ATP2A3: variants seen among roughly 807,000 people sequenced by gnomAD.
ATP2A3 encodes the protein ATPase sarcoplasmic/endoplasmic reticulum Ca2+ transporting 3.
A neutral mutation model predicts 106.8 loss-of-function variants in ATP2A3; 61 were observed. The observed-to-expected ratio is 0.57, with a 90% CI of 0.46 to 0.71. ATP2A3 has a LOEUF of 0.71. Ranked by LOEUF, ATP2A3 falls within the 30% of genes least tolerant of loss-of-function variation. ATP2A3 has a pLI of 0.00. For synonymous variants in ATP2A3, 611 were observed against 609.3 expected, an observed-to-expected ratio of 1.00 and a Z score of -0.04; for missense variants, 1,201 against 1,423.5, an observed-to-expected ratio of 0.84 and a Z score of 2.52.
At chr17:3,952,768 T>A (rs538207781) in intron 3 of ATP2A3, among the ~76,000 whole-genome samples, 3 of 152,152 alleles carry the variant, frequency 2.0e-5, no homozygotes, top group Non-Finnish European at 4.4e-5. Context: ...GTTTTTGTAT[T>A]TTTTGTAGAG....
intron 14 of ATP2A3, 62 bp from the exon 15 acceptor site, chr17:3,937,698 C>G (rs2053529886): frequency 1.3e-6 from 2 of 1,522,548 alleles, no homozygotes; most frequent in African/African-American, 2.7e-5. Flanking sequence ...CCCATCTCTT[C>G]TCAACTCAGC....
intron 1 of ATP2A3, among the ~76,000 whole-genome samples, chr17:3,961,631 C>T (rs976582575): frequency 6.6e-6 from 1 of 152,170 alleles, no homozygotes; most frequent in Non-Finnish European, 1.5e-5. Context: ...AACGACCTTG[C>T]AGGTGCACAG....
chr17:3,924,758 C>G lies in ATP2A3; in HGVS notation c.*664G>C, dbSNP rs894774450. The G allele has an allele frequency of 1.3e-5, 6 of 456,660 alleles. No homozygotes were observed. Among genetic ancestry groups the G allele is most frequent in the Admixed American group, 1.2e-4 (5 of 42,574 alleles). 28.3% of individuals were successfully genotyped at this position (456,660 alleles called of 1,614,324 possible). ...GGACATCCTCGCTCCGCCCTCCTGC[C>G]GGCTCCTTGTGTCCGTCTCTCTGAC... is the stretch of plus-strand genomic sequence containing the variant. On this transcript the variant is annotated 3_prime_UTR_variant, in exon 21 of 21. Transcript: ENST00000397041. The surrounding 1 kb of genome is among the most constrained non-coding windows in gnomAD (Gnocchi z 6.4).
At chr17:3,935,155 G>C (rs901494772) in intron 17 of ATP2A3, 37 bp downstream of exon 17, 1 of 1,607,548 alleles carries the variant, frequency 6.2e-7, no homozygotes, top group Admixed American at 1.7e-5. Flanking sequence ...AACTCGAGCT[G>C]TAAGTTCAAC....
chr17:3,944,578 CGTGCTCCCTGGGTGTGGCACTTCCAGGGA>C, intron 10 of ATP2A3, 97 bp downstream of exon 10: 2 of 936,958 alleles, frequency 2.1e-6, no homozygotes, highest in South Asian at 2.8e-5. Flanking sequence ...CAGGGGTAAC[CGTGCTCCCTGGGTGTGGCACTTCCAGGGA>C]GCAAGGGCTG....
rs1298901743 is a variant in ATP2A3 at position 3,924,727 on chromosome 17, G to A, written c.*695C>T. On this transcript the variant is annotated 3_prime_UTR_variant, in exon 21 of 21. Coordinates refer to ENST00000397041, the MANE Select transcript of ATP2A3 (RefSeq NM_005173.4). The surrounding 1 kb of genome is among the most constrained non-coding windows in gnomAD (Gnocchi z 6.4). Reference sequence around the variant, plus strand: ...GCCAGGCTTTCCCGACTTGTCTCCCGGGAAAGGACATCCTCGCTCCGCCCT... The same window carrying A: ...GCCAGGCTTTCCCGACTTGTCTCCCAGGAAAGGACATCCTCGCTCCGCCCT... The A allele has an allele frequency of 3.1e-5, 14 of 456,320 alleles. No homozygotes were observed. Among genetic ancestry groups the A allele is most frequent in the South Asian group, 1.2e-4 (8 of 64,556 alleles). 28.3% of individuals were successfully genotyped at this position (456,320 alleles called of 1,614,324 possible).
intron 12 of ATP2A3, 118 bp from the exon 13 acceptor site, chr17:3,941,772 A>C: frequency 9.5e-7 from 1 of 1,055,712 alleles, no homozygotes. Context: ...AAGGGTACAC[A>C]CGCAAGGCAG....
In ATP2A3 at chr17:3,930,438, G is replaced by A. The variant is rs773917238; in HGVS notation, c.2611-4C>T. On this transcript the variant is annotated splice_region_variant and splice_polypyrimidine_tract_variant and intron_variant, in intron 17 of 20. Transcript: ENST00000397041. The surrounding 1 kb of genome is among the most constrained non-coding windows in gnomAD (Gnocchi z 5.4). ...CGGAGCACTTCAGGAAGTTCCTCTG[G>A]GGGCACCGTGGCAGGTCAGAGAGAG... is the stretch of plus-strand genomic sequence containing the variant. The A allele has an allele frequency of 6.2e-7, 1 of 1,613,760 alleles. No homozygotes were observed. The highest frequency in any genetic ancestry group is 8.5e-7 in the Non-Finnish European group (1 of 1,180,006).
chr17:3,942,553 G>C (rs546287708), intron 12 of ATP2A3, 53 bp downstream of exon 12: 2 of 1,594,850 alleles, frequency 1.3e-6, no homozygotes, highest in Non-Finnish European at 1.7e-6. Context: ...GAGCGTGGAT[G>C]ACCAGGTTCC....
intron 17 of ATP2A3, among the ~76,000 whole-genome samples, chr17:3,932,808 C>T (rs959473940): frequency 3.3e-5 from 5 of 151,730 alleles, no homozygotes; most frequent in African/African-American, 7.3e-5. Flanking sequence ...ACCCAGTGAC[C>T]GAGAGGACCA....
At chr17:3,957,792 A>T (rs2054866550) in intron 1 of ATP2A3, among the ~76,000 whole-genome samples, 1 of 152,224 alleles carries the variant, frequency 6.6e-6, no homozygotes, top group Non-Finnish European at 1.5e-5. Flanking sequence ...TGGCAGTGCC[A>T]GATGTCCTAT....
chr17:3,927,288 G>A (rs1212987361), intron 20 of ATP2A3: 1 of 985,366 alleles, frequency 1.0e-6, no homozygotes. Context: ...TGCTGGCTGA[G>A]ACATTTTAGC....
rs2052801045 is a variant in ATP2A3 at position 3,927,923 on chromosome 17, C to T, written c.2980+740G>A. The stretch of plus-strand genomic sequence containing the variant: ...GCCCAGCCCAACCTAGGCCCCTGCA[C>T]AGCAGTCCAGCCATACGGCCACCGC... On this transcript the variant is annotated intron_variant, in intron 20 of 20. Transcript: ENST00000397041. 9.3e-6 allele frequency: 15 copies of T among 1,608,984 alleles called. No individual in the cohort carries two copies. In the Middle Eastern group the frequency reaches 5.0e-4, roughly 53 times the overall value.
rs149914261 is a variant in ATP2A3 at position 3,948,975 on chromosome 17, A to T, written c.631-1120T>A. On this transcript the variant is annotated intron_variant, in intron 7 of 20. Coordinates refer to ENST00000397041, the MANE Select transcript of ATP2A3 (RefSeq NM_005173.4). Reference sequence around the variant, plus strand: ...GAAACCCCGTCTCTAGTAAAATACAAAAATTAGCTGGGCACGGTGGTGTGT... The same window carrying T: ...GAAACCCCGTCTCTAGTAAAATACATAAATTAGCTGGGCACGGTGGTGTGT... 8.7e-3 allele frequency among the ~76,000 whole-genome samples: 1,321 copies of T among 152,118 alleles called. 17 individuals are homozygous for T. The highest frequency in any genetic ancestry group is 0.03 in the African/African-American group (1,263 of 41,508).
intron 7 of ATP2A3, 62 bp downstream of exon 7, chr17:3,950,449 C>A: frequency 6.4e-7 from 1 of 1,564,310 alleles, no homozygotes; most frequent in South Asian, 1.1e-5. Context: ...CAGGCGTGAT[C>A]ATAATCCTAA....
In ATP2A3 at chr17:3,955,145, C is replaced by A. The variant is rs1301279542; in HGVS notation, c.119-1435G>T. On this transcript the variant is annotated intron_variant, in intron 1 of 20. Transcript: ENST00000397041. This position sits in a 1 kb window ranked among gnomAD's most constrained non-coding sequence, Gnocchi z 4.2. ...CAGTCTCCGGACATCTGTGGCATCT[C>A]CCCGAAGCTCGTTAGCCATGCGGAA... is the stretch of plus-strand genomic sequence containing the variant. Among the ~76,000 whole-genome samples the A allele has an allele frequency of 6.6e-6, 1 of 152,236 alleles. No individual in the cohort carries two copies. The highest frequency in any genetic ancestry group is 1.9e-4 in the East Asian group (1 of 5,202).
At position 3,936,514 on chromosome 17, in the gene ATP2A3, G is replaced by A. The variant is rs372643171; in HGVS notation, c.2322-45C>T. 3.4e-5 allele frequency: 54 copies of A among 1,599,102 alleles called. 2 individuals carry two copies. Among genetic ancestry groups the A allele is most frequent in the South Asian group, 2.9e-4 (26 of 90,742 alleles). ...TCTAGCCCCGGTAGGCCTAGCCCCC[G>A]GCAGATGCAGGCTCCAGCTCCTGCT... is the stretch of plus-strand genomic sequence containing the variant. On this transcript the variant is annotated intron_variant, in intron 15 of 20. Coordinates refer to ENST00000397041, the MANE Select transcript of ATP2A3 (RefSeq NM_005173.4). The surrounding 1 kb of genome is among the most constrained non-coding windows in gnomAD (Gnocchi z 5.4).
At chr17:3,957,182 T>C (rs1334051661) in intron 1 of ATP2A3, among the ~76,000 whole-genome samples, 2 of 152,230 alleles carry the variant, frequency 1.3e-5, no homozygotes, top group East Asian at 3.8e-4. Context: ...TGCCTTATTC[T>C]CATGATCCGC....
chr17:3,960,445 C>T (rs1253104075), intron 1 of ATP2A3, among the ~76,000 whole-genome samples: 3 of 152,220 alleles, frequency 2.0e-5, no homozygotes, highest in East Asian at 1.9e-4. Flanking sequence ...GGCTTCTGCC[C>T]GGCCTGCCAG....
Sources: gnomAD v4.1 joint callset for allele counts (sites outside exome capture counted in the v4.1 genomes callset) on GRCh38, gnomAD v4.1.1 for gene constraint, Gnocchi (gnomAD v3.1) non-coding constraint, MANE v1.5 for transcripts, NCBI Gene and HGNC (gene_info 2026-07-23, HGNC 2026-07-21) for gene names.